PLEKHG1: variants seen among roughly 807,000 people sequenced by gnomAD.
PLEKHG1 encodes pleckstrin homology and RhoGEF domain containing G1, also known as pleckstrin homology domain-containing family G member 1.
A neutral mutation model predicts 100.8 loss-of-function variants in PLEKHG1; 44 were observed. The observed-to-expected ratio is 0.44, with a 90% CI of 0.34 to 0.56. The LOEUF (loss-of-function observed/expected upper bound fraction) is 0.56, where lower values mean the gene tolerates loss of function less well. PLEKHG1 is among the 20% of genes least tolerant of loss of function. The pLI is 0.01. For synonymous variants in PLEKHG1, 640 were observed against 662.5 expected (o/e 0.97, Z 0.52); for missense variants, 1,545 against 1,720.9 (o/e 0.90, Z 1.81).
intron 3 of PLEKHG1, among the ~76,000 whole-genome samples, chr6:150,711,193 T>C (rs76987344): frequency 6.6e-6 from 1 of 152,166 alleles, no homozygotes; most frequent in East Asian, 1.9e-4. Flanking sequence ...AAGTATGTTC[T>C]TGACATACAA....
chr6:150,742,345 T>C (rs1233290588), intron 2 of PLEKHG1, among the ~76,000 whole-genome samples: 1 of 151,864 alleles, frequency 6.6e-6, no homozygotes, highest in African/African-American at 2.4e-5. Flanking sequence ...GGTGGGCGGA[T>C]CACGATGTCA....
intron 1 of PLEKHG1, among the ~76,000 whole-genome samples, chr6:150,602,311 A>G (rs1776389295): frequency 6.6e-6 from 1 of 152,192 alleles, no homozygotes. Flanking sequence ...CTGCAGCATG[A>G]TTAGGTCCCT....
chr6:150,749,991 GA>G (rs1478913379), intron 2 of PLEKHG1, among the ~76,000 whole-genome samples: 1 of 151,298 alleles, frequency 6.6e-6, no homozygotes, highest in African/African-American at 2.4e-5. Flanking sequence ...AGAATCGCTT[GA>G]AACCAGGAGG....
At chr6:150,659,179 G>A (rs993265926) in intron 3 of PLEKHG1, among the ~76,000 whole-genome samples, 1 of 152,066 alleles carries the variant, frequency 6.6e-6, no homozygotes, top group Non-Finnish European at 1.5e-5. Context: ...TGAACCTCCT[G>A]TTCATTCAGT....
intron 3 of PLEKHG1, among the ~76,000 whole-genome samples, chr6:150,653,734 T>G (rs1002575219): frequency 4.6e-5 from 7 of 151,678 alleles, no homozygotes; most frequent in Non-Finnish European, 1.0e-4. Flanking sequence ...GGTGACAGAG[T>G]GAGACCCTAT....
At chr6:150,685,721 C>T (rs917068153) in intron 3 of PLEKHG1, among the ~76,000 whole-genome samples, 1 of 152,236 alleles carries the variant, frequency 6.6e-6, no homozygotes, top group African/African-American at 2.4e-5. Context: ...CCTCAGAATA[C>T]TCTTTCTTTG....
chr6:150,746,661 C>A (rs778475365), intron 2 of PLEKHG1, among the ~76,000 whole-genome samples: 2 of 152,186 alleles, frequency 1.3e-5, no homozygotes, highest in Non-Finnish European at 2.9e-5. Flanking sequence ...AAAGGATTTG[C>A]ATAATTTGGT....
Position 150,763,556 on chromosome 6 carries a change from T to G in PLEKHG1, c.412-5082T>G, listed in dbSNP as rs115307500. On this transcript the variant is annotated intron_variant, in intron 2 of 15. Transcript: ENST00000358517. ...CAGAGATGCCTTTCAACCTTTCATC[T>G]TGGCTTGAAGAAGTCCAGTCCAGGG... Among the ~76,000 whole-genome samples, 315 of 152,332 alleles carry G rather than the reference T, an allele frequency of 2.1e-3. 2 individuals are homozygous for G. The highest frequency in any genetic ancestry group is 6.8e-3 in the Middle Eastern group (2 of 294).
At chr6:150,706,645 C>T (rs1014122946) in intron 3 of PLEKHG1, among the ~76,000 whole-genome samples, 1 of 150,272 alleles carries the variant, frequency 6.7e-6, no homozygotes, top group Non-Finnish European at 1.5e-5. Flanking sequence ...AAAAACAAAA[C>T]AGGAACTATG....
intron 2 of PLEKHG1, among the ~76,000 whole-genome samples, chr6:150,742,143 A>G (rs1005177563): frequency 2.0e-5 from 3 of 152,234 alleles, no homozygotes; most frequent in African/African-American, 7.2e-5. Context: ...TTTATGAAGA[A>G]AAGAAATGTA....
intron 3 of PLEKHG1, among the ~76,000 whole-genome samples, chr6:150,773,397 G>A (rs1368077729): frequency 6.6e-6 from 1 of 152,194 alleles, no homozygotes; most frequent in African/African-American, 2.4e-5. Flanking sequence ...AGCCAGGCGT[G>A]GTGGCGAGTG....
At chr6:150,641,811 T>A (rs932281195) in intron 2 of PLEKHG1, among the ~76,000 whole-genome samples, 3 of 148,264 alleles carry the variant, frequency 2.0e-5, no homozygotes, top group South Asian at 2.1e-4. Context: ...TGTGATATAT[T>A]TGGAAGTTCT....
At chr6:150,738,821 G>A (rs1406988196) in intron 2 of PLEKHG1, among the ~76,000 whole-genome samples, 1 of 152,138 alleles carries the variant, frequency 6.6e-6, no homozygotes, top group African/African-American at 2.4e-5. Context: ...AGGAACAATG[G>A]AGCTGTTATT....
At position 150,600,297 on chromosome 6, in the gene PLEKHG1, C is replaced by CCCG. The variant is rs1200592938; in HGVS notation, c.-204+289_-204+291dup. On this transcript the variant is annotated intron_variant, in intron 1 of 3. Transcript: ENST00000367326. The surrounding 1 kb of genome is among the most constrained non-coding windows in gnomAD (Gnocchi z 6.2). Reference sequence around the variant, plus strand: ...GGTCGGAGTCGGGTCGGGGATGCTGCCCGCCGCCGCCCCGCTTGGGGTTCC... The same window carrying CCCG: ...GGTCGGAGTCGGGTCGGGGATGCTGCCCGCCGCCGCCGCCCCGCTTGGGGTTCC... Among the ~76,000 whole-genome samples, 1 of 151,608 alleles carries CCCG rather than the reference C, an allele frequency of 6.6e-6. No homozygotes were observed. Among genetic ancestry groups the CCCG allele is most frequent in the Non-Finnish European group, 1.5e-5 (1 of 67,816 alleles).
At chr6:150,796,254 A>G (rs1195506645) in intron 5 of PLEKHG1, among the ~76,000 whole-genome samples, 1 of 152,226 alleles carries the variant, frequency 6.6e-6, no homozygotes, top group African/African-American at 2.4e-5. Context: ...AATTTAGGAA[A>G]CACTGCTAAT....
chr6:150,631,479 A>G (rs986989925), intron 1 of PLEKHG1, among the ~76,000 whole-genome samples: 2 of 152,184 alleles, frequency 1.3e-5, no homozygotes, highest in African/African-American at 4.8e-5. Context: ...CATGACAGCC[A>G]CACCTTACAC....
At chr6:150,736,262 A>G (rs1204255064) in intron 2 of PLEKHG1, among the ~76,000 whole-genome samples, 1 of 152,228 alleles carries the variant, frequency 6.6e-6, no homozygotes, top group Non-Finnish European at 1.5e-5. Flanking sequence ...TGTTTCATCA[A>G]CTGTCAGATG....
At chr6:150,800,790 C>T in exon 6 of PLEKHG1, 1 of 1,613,736 alleles carries the variant, frequency 6.2e-7, no homozygotes, top group Non-Finnish European at 8.5e-7. Context: ...CGTCAGGAAA[C>T]TCTGAAACAC....
chr6:150,723,244 G>A (rs1024099414), intron 1 of PLEKHG1, among the ~76,000 whole-genome samples: 7 of 152,110 alleles, frequency 4.6e-5, no homozygotes, highest in Admixed American at 1.3e-4. Flanking sequence ...ACAAACCCCG[G>A]GGGGTGCAGA....
Sources: gnomAD v4.1 joint callset for allele counts (sites outside exome capture counted in the v4.1 genomes callset) on GRCh38, gnomAD v4.1.1 for gene constraint, Gnocchi (gnomAD v3.1) non-coding constraint, MANE v1.5 for transcripts, NCBI Gene and HGNC (gene_info 2026-07-23, HGNC 2026-07-21) for gene names.